Variants in TMEM38B observed in about 807,000 individuals in gnomAD.
The protein encoded by TMEM38B is trimeric intracellular cation channel type B.
TMEM38B carries 24 observed loss-of-function variants against 28.7 expected under a neutral mutation model. The observed-to-expected ratio is 0.84, with a 90% CI of 0.61 to 1.18. The LOEUF is 1.18. Ranked by LOEUF, TMEM38B falls within the 50% of genes most tolerant of loss-of-function variation. The pLI, the probability that TMEM38B is intolerant of heterozygous loss-of-function variation, is 0.00. For missense variants in TMEM38B, 380 were observed against 350.9 expected, an observed-to-expected ratio of 1.08 and a Z score of -0.66; for synonymous variants, 131 against 127.7, an observed-to-expected ratio of 1.03 and a Z score of -0.17.
intron 5 of TMEM38B, among the ~76,000 whole-genome samples, chr9:105,755,254 T>C (rs866710270): frequency 6.6e-6 from 1 of 152,002 alleles, no homozygotes; most frequent in Non-Finnish European, 1.5e-5. Flanking sequence ...GTCCAAAATA[T>C]TGAAAAGGAG....
chr9:105,743,270 T>G (rs1263220630), intron 4 of TMEM38B, among the ~76,000 whole-genome samples: 1 of 152,208 alleles, frequency 6.6e-6, no homozygotes, highest in East Asian at 1.9e-4. Context: ...TTTAAGCCAC[T>G]GAATTTGTTG....
At chr9:105,759,711 C>A in intron 5 of TMEM38B, 1 of 1,598,790 alleles carries the variant, frequency 6.3e-7, no homozygotes, top group South Asian at 1.1e-5. Flanking sequence ...AACAGGAATT[C>A]CTGTTGAATC....
chr9:105,747,570 A>G (rs939563555), intron 4 of TMEM38B, among the ~76,000 whole-genome samples: 16 of 151,872 alleles, frequency 1.1e-4, no homozygotes, highest in East Asian at 1.9e-4. Flanking sequence ...TTGTGTCTCT[A>G]TCTCCTTCAG....
intron 2 of TMEM38B, among the ~76,000 whole-genome samples, chr9:105,716,638 T>G (rs1836109170): frequency 9.6e-5 from 10 of 104,100 alleles, no homozygotes; most frequent in African/African-American, 5.3e-4. Context: ...ACTGTGTGAA[T>G]CCACTTATGT....
rs908950851 is a variant in TMEM38B at position 105,694,584 on chromosome 9, C to T, written c.-77C>T. On this transcript the variant is annotated 5_prime_UTR_variant, in exon 1 of 6. Transcript: ENST00000374692. ...GAGGAGCGGGCGGCCGCGGCTGTGC[C>T]CTCTCCTACTCCTCACCGCGCGAGC... is the stretch of plus-strand genomic sequence containing the variant. The T allele has an allele frequency of 3.3e-6, 4 of 1,200,970 alleles. No individual in the cohort carries two copies. In the African/African-American group the frequency reaches 4.7e-5, roughly 14 times the overall value. The allele number at this position is 1,200,970 out of a possible 1,614,324, so 74.4% of individuals were successfully genotyped here. A position where few individuals can be genotyped will look rare whatever the true frequency, so the allele number is the denominator to read the frequency against.
In TMEM38B at chr9:105,776,182, A is replaced by G. The variant is rs534958433; in HGVS notation, c.*2102A>G. ...GTGGCACTGAGAAAGTCAAGTCCTA[A>G]TAGGTCTCCTTAAAAAAAAAAAGGA... On this transcript the variant is annotated 3_prime_UTR_variant, in exon 6 of 6. Coordinates refer to ENST00000374692, the MANE Select transcript of TMEM38B (RefSeq NM_018112.3). The G allele has an allele frequency of 1.3e-5, 2 of 152,080 alleles. No homozygotes were observed. The highest frequency in any genetic ancestry group is 1.9e-4 in the East Asian group (1 of 5,180). The allele number at this position is 152,080 out of a possible 1,614,324, so 9.4% of individuals were successfully genotyped here. A position where few individuals can be genotyped will look rare whatever the true frequency, so the allele number is the denominator to read the frequency against.
chr9:105,722,546 C>A lies in TMEM38B; in HGVS notation c.467C>A (p.Thr156Asn). ...TTCATATTTTTAGGTGCAGGTGGTA[C>A]CATTATAACGAATTTTGAGAGGTTG... ...AIGWARGAGG[T>N]IITNFERLVK... The change falls in exon 4 of 6, where the codon ACC (threonine) becomes AAC (asparagine). Residue 156 changes from threonine to asparagine, a missense_variant. By Grantham distance (65) the Thr-to-Asn change is moderately conservative. Transcript: ENST00000374692. 1 of 1,613,132 alleles carries A rather than the reference C, an allele frequency of 6.2e-7. No homozygotes were observed. Among genetic ancestry groups the A allele is most frequent in the Non-Finnish European group, 8.5e-7 (1 of 1,179,550 alleles).
At chr9:105,747,969 C>A (rs1165446799) in intron 4 of TMEM38B, 104 bp from the exon 5 acceptor site, 53 of 713,512 alleles carry the variant, frequency 7.4e-5, no homozygotes, top group Non-Finnish European at 1.1e-4. Flanking sequence ...TGCATTACAT[C>A]TATTAATAAC....
At chr9:105,746,419 A>G (rs1342253844) in intron 4 of TMEM38B, among the ~76,000 whole-genome samples, 5 of 152,190 alleles carry the variant, frequency 3.3e-5, no homozygotes, top group Non-Finnish European at 7.3e-5. Context: ...ATTTTTGCAC[A>G]TTGATTTTGT....
At chr9:105,709,733 T>C (rs912275539) in intron 2 of TMEM38B, among the ~76,000 whole-genome samples, 1 of 152,202 alleles carries the variant, frequency 6.6e-6, no homozygotes, top group Admixed American at 6.5e-5. Context: ...GTAAACTGCA[T>C]GTGGTGTACA....
At chr9:105,696,393 A>G (rs1390572748) in intron 1 of TMEM38B, among the ~76,000 whole-genome samples, 2 of 152,110 alleles carry the variant, frequency 1.3e-5, no homozygotes, top group Non-Finnish European at 2.9e-5. Context: ...GGTTTAAGCG[A>G]TTCTCCTGCC....
chr9:105,717,707 C>CTGTT (rs1175186509), intron 2 of TMEM38B, among the ~76,000 whole-genome samples: 1 of 152,120 alleles, frequency 6.6e-6, no homozygotes, highest in African/African-American at 2.4e-5. Context: ...TAAGATTCAT[C>CTGTT]TGTTTGTTTG....
chr9:105,739,154 A>G lies in TMEM38B; in HGVS notation c.543-8919A>G, dbSNP rs12004871. On this transcript the variant is annotated intron_variant, in intron 4 of 5. Coordinates refer to ENST00000374692, the MANE Select transcript of TMEM38B (RefSeq NM_018112.3). ...GACTTGGTACCCTACTAGAAAATCAACTGAGCATAGATGTATGGGTTTATT... is the reference window on the plus strand; with the variant it reads ...GACTTGGTACCCTACTAGAAAATCAGCTGAGCATAGATGTATGGGTTTATT... Among the ~76,000 whole-genome samples the G allele has an allele frequency of 9.0e-3, 1,375 of 152,318 alleles. 33 individuals carry two copies. Among genetic ancestry groups the G allele is most frequent in the African/African-American group, 0.031 (1,279 of 41,574 alleles).
chr9:105,727,965 G>T (rs1193734776), intron 4 of TMEM38B, among the ~76,000 whole-genome samples: 1 of 152,082 alleles, frequency 6.6e-6, no homozygotes, highest in Admixed American at 6.6e-5. Flanking sequence ...TGCCATGATT[G>T]TAAGTTTCCT....
chr9:105,732,217 C>T (rs1836777190), intron 4 of TMEM38B, among the ~76,000 whole-genome samples: 1 of 152,120 alleles, frequency 6.6e-6, no homozygotes, highest in Non-Finnish European at 1.5e-5. Context: ...AGCACTTTGT[C>T]AGATGGGTAG....
chr9:105,707,748 C>G (rs945021051), intron 2 of TMEM38B, among the ~76,000 whole-genome samples: 4 of 152,088 alleles, frequency 2.6e-5, no homozygotes, highest in Non-Finnish European at 4.4e-5. Context: ...ACTTTCTTGT[C>G]TAGTAAGTGG....
chr9:105,736,054 TG>T (rs1413323410), intron 4 of TMEM38B, among the ~76,000 whole-genome samples: 9 of 141,324 alleles, frequency 6.4e-5, no homozygotes, highest in Admixed American at 3.5e-4. Flanking sequence ...ACATTTTTTT[TG>T]TTTTTTTTTT....
intron 5 of TMEM38B, among the ~76,000 whole-genome samples, chr9:105,767,358 A>G (rs1826410361): frequency 6.6e-6 from 1 of 152,188 alleles, no homozygotes. Flanking sequence ...CTTTATAGTA[A>G]GTCTTAAAAT....
chr9:105,739,825 G>T (rs865792644), intron 4 of TMEM38B, among the ~76,000 whole-genome samples: 1 of 151,156 alleles, frequency 6.6e-6, no homozygotes, highest in African/African-American at 2.4e-5. Context: ...ATGCCTGGCC[G>T]GTTTTAAGTC....
Sources: gnomAD v4.1 joint callset for allele counts (sites outside exome capture counted in the v4.1 genomes callset) on GRCh38, gnomAD v4.1.1 for gene constraint, MANE v1.5 for transcripts, NCBI Gene and HGNC (gene_info 2026-07-23, HGNC 2026-07-21) for gene names.